The following CTNNA2 variants were observed in gnomAD, a reference collection of about 807,000 sequenced individuals.
CTNNA2 encodes catenin alpha-2.
Under a neutral mutation model 101.0 loss-of-function variants are expected in CTNNA2, and 42 were observed. The ratio of observed to expected loss-of-function variants is 0.42; its 90% confidence interval spans 0.32 to 0.54. The LOEUF (loss-of-function observed/expected upper bound fraction) is 0.54, where lower values mean the gene tolerates loss of function less well. CTNNA2 is among the 20% of genes least tolerant of loss of function. CTNNA2 has a pLI of 0.14. For missense variants in CTNNA2, 871 were observed against 1,223.1 expected, an observed-to-expected ratio of 0.71 and a Z score of 4.29; for synonymous variants, 450 against 456.4, an observed-to-expected ratio of 0.99 and a Z score of 0.18.
chr2:79,223,114 C>T (rs1214196562), intron 2 of CTNNA2, among the ~76,000 whole-genome samples: 9 of 152,194 alleles, frequency 5.9e-5, no homozygotes, highest in African/African-American at 1.2e-4. Context: ...GAGCTATGTT[C>T]GTGCCACTGC....
intron 2 of CTNNA2, among the ~76,000 whole-genome samples, chr2:79,199,475 T>A (rs1350645213): frequency 6.6e-6 from 1 of 152,206 alleles, no homozygotes; most frequent in Non-Finnish European, 1.5e-5. Flanking sequence ...AGCATTTGTT[T>A]TCCTTATTAA....
chr2:80,042,996 C>CT (rs1206689142), intron 7 of CTNNA2, among the ~76,000 whole-genome samples: 1 of 150,170 alleles, frequency 6.7e-6, no homozygotes, highest in Non-Finnish European at 1.5e-5. Context: ...CTTTCCTTTC[C>CT]TTCCTTTCCT....
intron 7 of CTNNA2, chr2:80,162,458 G>T (rs548514666): frequency 6.3e-7 from 1 of 1,595,528 alleles, no homozygotes. Flanking sequence ...TTAGTGTCGA[G>T]ATGAGCGCCA....
At chr2:79,660,527 A>G (rs13388512) in intron 2 of CTNNA2, among the ~76,000 whole-genome samples, 50,968 of 151,700 alleles carry the variant, frequency 0.34, 9,423 homozygotes, top group East Asian at 0.75. Context: ...ATTTTAATAT[A>G]AACATTTCTT....
chr2:80,291,491 C>T (rs1451812971), intron 7 of CTNNA2, among the ~76,000 whole-genome samples: 1 of 152,206 alleles, frequency 6.6e-6, no homozygotes, highest in Non-Finnish European at 1.5e-5. Context: ...CAGATGTGTA[C>T]TTCATCATTT....
intron 7 of CTNNA2, among the ~76,000 whole-genome samples, chr2:80,023,992 C>CGGGA (rs1450686034): frequency 6.7e-6 from 1 of 148,362 alleles, no homozygotes; most frequent in East Asian, 2.1e-4. Context: ...GAGGCCGAGG[C>CGGGA]GGGAGAACGG....
chr2:79,230,641 G>A (rs573832928), intron 2 of CTNNA2, among the ~76,000 whole-genome samples: 1 of 152,284 alleles, frequency 6.6e-6, no homozygotes, highest in South Asian at 2.1e-4. Flanking sequence ...TGTGAGAAGA[G>A]GGCCACCATC....
chr2:79,214,404 G>A (rs1199324421), intron 2 of CTNNA2, among the ~76,000 whole-genome samples: 2 of 152,148 alleles, frequency 1.3e-5, no homozygotes, highest in Admixed American at 6.5e-5. Context: ...TGGTTGATAA[G>A]GGGCAGATCC....
intron 3 of CTNNA2, among the ~76,000 whole-genome samples, chr2:79,857,077 A>G (rs781130244): frequency 1.3e-5 from 2 of 152,208 alleles, no homozygotes; most frequent in Admixed American, 6.5e-5. Flanking sequence ...GGGTTCTTCC[A>G]GAGAACTGCA....
intron 4 of CTNNA2, among the ~76,000 whole-genome samples, chr2:79,433,142 G>C (rs944903325): frequency 4.6e-5 from 7 of 152,274 alleles, no homozygotes; most frequent in African/African-American, 1.7e-4. Context: ...ACTCCCCTCA[G>C]CCTGATGTTC....
chr2:79,648,141 T>C (rs1680954438), intron 1 of CTNNA2, among the ~76,000 whole-genome samples: 1 of 152,242 alleles, frequency 6.6e-6, no homozygotes, highest in Non-Finnish European at 1.5e-5. Context: ...GCATTTTCTC[T>C]GTCCTTCCTA....
At chr2:80,556,037 C>A (rs1693000989) in intron 12 of CTNNA2, 144 bp downstream of exon 12, 1 of 507,410 alleles carries the variant, frequency 2.0e-6, no homozygotes, top group Non-Finnish European at 3.3e-6. Context: ...CTTGAGTGTT[C>A]TCTTTGTTTT....
chr2:80,123,786 A>C (rs185425074), intron 7 of CTNNA2, among the ~76,000 whole-genome samples: 2 of 152,292 alleles, frequency 1.3e-5, no homozygotes, highest in East Asian at 3.9e-4. Flanking sequence ...CTAGGATGTT[A>C]CTGGATTCCT....
intron 3 of CTNNA2, among the ~76,000 whole-genome samples, chr2:79,810,942 G>A (rs925690733): frequency 2.6e-5 from 4 of 151,370 alleles, no homozygotes; most frequent in African/African-American, 9.8e-5. Context: ...GGACATTTGG[G>A]TTGGTTCCAA....
intron 14 of CTNNA2, among the ~76,000 whole-genome samples, chr2:80,587,720 T>G (rs1696097770): frequency 1.3e-5 from 2 of 152,178 alleles, no homozygotes; most frequent in South Asian, 4.1e-4. Context: ...CTTGTGTTAT[T>G]TTACTTGTTC....
At chr2:79,291,286 T>C (rs751921690) in intron 2 of CTNNA2, among the ~76,000 whole-genome samples, 10 of 152,224 alleles carry the variant, frequency 6.6e-5, no homozygotes, top group Non-Finnish European at 1.5e-4. Flanking sequence ...AAAGTACAGC[T>C]GTCATAACAA....
At chr2:79,234,041 A>G (rs1397395357) in intron 2 of CTNNA2, among the ~76,000 whole-genome samples, 1 of 150,108 alleles carries the variant, frequency 6.7e-6, no homozygotes, top group Admixed American at 6.7e-5. Flanking sequence ...GATTACATTC[A>G]GGGTTAGTAT....
intron 9 of CTNNA2, among the ~76,000 whole-genome samples, chr2:80,483,368 TTA>T (rs10635965): frequency 0.056 from 8,164 of 146,026 alleles, 544 homozygotes; most frequent in African/African-American, 0.16. Flanking sequence ...TGTTGTTGTT[TTA>T]TATATATATA....
intron 2 of CTNNA2, among the ~76,000 whole-genome samples, chr2:79,233,072 T>C (rs1416861537): frequency 1.3e-5 from 2 of 150,470 alleles, no homozygotes; most frequent in Non-Finnish European, 2.9e-5. Context: ...TCTCTGATAT[T>C]AGTTATTTCT....
Sources: allele counts gnomAD v4.1 joint callset (sites outside exome capture counted in the v4.1 genomes callset), GRCh38; gene constraint gnomAD v4.1.1; transcripts MANE v1.5; gene names NCBI Gene and HGNC (gene_info 2026-07-23, HGNC 2026-07-21).